Variants in SENP6 observed in about 807,000 individuals in gnomAD.
The protein encoded by SENP6 is sentrin-specific protease 6.
In SENP6, 41 loss-of-function variants were observed where a neutral mutation model predicts 134.5. That is an observed-to-expected ratio of 0.30 (90% CI 0.24 to 0.40). SENP6 has a LOEUF of 0.40. Among genes scored for constraint, SENP6 ranks in the 10% least tolerant of loss-of-function variants. The pLI, the probability that SENP6 is intolerant of heterozygous loss-of-function variation, is 1.00. For synonymous variants in SENP6, 395 were observed against 429.8 expected (o/e 0.92, Z 1.00); for missense variants, 1,248 against 1,312.5 (o/e 0.95, Z 0.76).
At chr6:75,609,841 G>A (rs1162865752) in intron 1 of SENP6, among the ~76,000 whole-genome samples, 3 of 152,108 alleles carry the variant, frequency 2.0e-5, no homozygotes, top group African/African-American at 4.8e-5. Context: ...GTGTAGTGGC[G>A]CCATCTCAGC....
chr6:75,631,599 T>C (rs1769117004), intron 3 of SENP6, among the ~76,000 whole-genome samples: 1 of 152,196 alleles, frequency 6.6e-6, no homozygotes, highest in Non-Finnish European at 1.5e-5. Context: ...GAGCATAATA[T>C]AAAACTCAAA....
rs867504652 is a variant in SENP6, at chr6:75,715,548, C to T, written c.3293C>T (p.Pro1098Leu). The T allele has an allele frequency of 2.5e-6, 4 of 1,613,134 alleles. No homozygotes were observed. The Middle Eastern group carries it at 6.6e-4, about 266-fold the overall frequency. The change falls in exon 24 of 24, where the codon CCT becomes CTT. Residue 1098 changes from proline (P) to leucine (L), a missense_variant. Transcript: ENST00000447266. ...KHKDTYSTEA[P>L]LGEGTEQYVN... is the part of the protein sequence containing the mutation. ...AAGGACACTTACTCAACAGAAGCAC[C>T]TTTAGGCGAAGGAACAGAACAATAT...
chr6:75,678,322 ATAG>A lies in SENP6; in HGVS notation c.1849-257_1849-255del, dbSNP rs1397039243. On this transcript the variant is annotated intron_variant, in intron 14 of 23. Transcript: ENST00000447266. ...ACCAGCATTATTTAATTTCATGTAG[ATAG>A]TAGAGAGAGAAGTAAGATACTGGAA... 7 of 321,626 alleles carry A rather than the reference ATAG, an allele frequency of 2.2e-5. No homozygotes were observed. In the Middle Eastern group the frequency reaches 3.6e-3, roughly 167 times the overall value. 19.9% of individuals were successfully genotyped at this position (321,626 alleles called of 1,614,324 possible).
intron 1 of SENP6, among the ~76,000 whole-genome samples, chr6:75,608,422 G>A (rs1223450542): frequency 1.3e-5 from 2 of 151,792 alleles, no homozygotes; most frequent in Non-Finnish European, 1.5e-5. Flanking sequence ...TCATGACACT[G>A]CACTTCAGCC....
intron 16 of SENP6, among the ~76,000 whole-genome samples, chr6:75,690,316 C>A (rs991010002): frequency 6.6e-6 from 1 of 152,090 alleles, no homozygotes; most frequent in Non-Finnish European, 1.5e-5. Flanking sequence ...AACGGATAAA[C>A]CAAATGTGGT....
In SENP6 at chr6:75,602,354, C is replaced by A; in HGVS notation, c.-171C>A. On this transcript the variant is annotated 5_prime_UTR_variant, in exon 1 of 24. Transcript: ENST00000447266. The stretch of plus-strand genomic sequence containing the variant: ...CGCGGACAGGCCCGGGCGCGCCTGG[C>A]CTGCCTTTGTATAGGCCCGTCTGAA... 1.5e-6 allele frequency: 1 copy of A among 665,312 alleles called. No individual in the cohort carries two copies. Among genetic ancestry groups the A allele is most frequent in the Non-Finnish European group, 2.4e-6 (1 of 420,286 alleles). 41.2% of individuals were successfully genotyped at this position (665,312 alleles called of 1,614,324 possible). A position where few individuals can be genotyped will look rare whatever the true frequency, so the allele number is the denominator to read the frequency against.
In SENP6 at chr6:75,631,021, AT is replaced by A. The variant is rs201264695; in HGVS notation, c.208-2548del. ...AGCTGCTATTTAATCCATACATTGG[AT>A]TTTTTTTTTTTACTTTTAAAAGATT... On this transcript the variant is annotated intron_variant, in intron 3 of 23. Transcript: ENST00000447266. Among the ~76,000 whole-genome samples, 1,195 of 145,938 alleles carry A rather than the reference AT, an allele frequency of 8.2e-3. 13 individuals carry two copies. Among genetic ancestry groups the A allele is most frequent in the African/African-American group, 0.025 (1,009 of 40,058 alleles).
chr6:75,697,710 T>G, intron 18 of SENP6, 193 bp downstream of exon 18: 1 of 510,234 alleles, frequency 2.0e-6, no homozygotes, highest in Non-Finnish European at 3.5e-6. Context: ...TATTGAATTT[T>G]AGAGACAATA....
chr6:75,689,424 A>C (rs28806828), intron 16 of SENP6, among the ~76,000 whole-genome samples: 4 of 152,084 alleles, frequency 2.6e-5, no homozygotes, highest in South Asian at 2.1e-4. Context: ...AACAAAAACA[A>C]AAAAAAACAG....
intron 16 of SENP6, among the ~76,000 whole-genome samples, chr6:75,690,137 C>T (rs1006776112): frequency 6.6e-6 from 1 of 152,176 alleles, no homozygotes; most frequent in Non-Finnish European, 1.5e-5. Flanking sequence ...TCTTGAGCTC[C>T]TGCCCTCAAG....
chr6:75,675,993 A>C lies in SENP6; in HGVS notation c.1560A>C (p.Gln520His), dbSNP rs1279095435. The C allele has an allele frequency of 3.7e-6, 6 of 1,611,984 alleles. No individual in the cohort carries two copies. Among genetic ancestry groups the C allele is most frequent in the Non-Finnish European group, 4.2e-6 (5 of 1,179,116 alleles). The part of the protein sequence containing the change: ...IPAVYQKLSI[Q>H]LQMNKEDKVW... Reference sequence around the variant, plus strand: ...CAGTTTATCAAAAGCTGAGCATCCAACTGCAAATGAATAAGGAGGATAAAG... The same window carrying C: ...CAGTTTATCAAAAGCTGAGCATCCACCTGCAAATGAATAAGGAGGATAAAG... Residue 520 changes from glutamine (Q) to histidine (H), a missense_variant, in exon 13 of 24, where the codon CAA (glutamine) becomes CAC (histidine). Gln to His is a conservative substitution (Grantham distance 24). Around this residue, in one of 3 missense-constraint regions of SENP6, gnomAD observed 733 missense variants for 725.4 expected, o/e 1.01. Transcript: ENST00000447266.
At chr6:75,685,333 C>G (rs1306323975) in intron 16 of SENP6, among the ~76,000 whole-genome samples, 6 of 152,032 alleles carry the variant, frequency 3.9e-5, no homozygotes, top group Admixed American at 1.3e-4. Context: ...AAAAAACCAG[C>G]TCCTGGATTC....
Position 75,717,614 on chromosome 6 carries a change from AGACTT to A in SENP6, c.*2023_*2027del, listed in dbSNP as rs1776077649. ...GGCTGCCAGGTTGAGCTTCAAAACT[AGACTT>A]GAGAATCTTTCGTGTATATGCACAT... is the stretch of plus-strand genomic sequence containing the variant. On this transcript the variant is annotated 3_prime_UTR_variant, in exon 24 of 24. Coordinates refer to ENST00000447266, the MANE Select transcript of SENP6 (RefSeq NM_015571.4). 6.6e-6 allele frequency: 1 copy of A among 152,156 alleles called. No homozygotes were observed. The highest frequency in any genetic ancestry group is 2.1e-4 in the South Asian group (1 of 4,834). The allele number at this position is 152,156 out of a possible 1,614,324, so 9.4% of individuals were successfully genotyped here.
intron 3 of SENP6, among the ~76,000 whole-genome samples, chr6:75,629,691 A>G (rs1214563433): frequency 6.6e-6 from 1 of 152,216 alleles, no homozygotes; most frequent in Non-Finnish European, 1.5e-5. Context: ...GGATATATAC[A>G]TATATCTACT....
At chr6:75,632,311 A>G (rs1163720680) in intron 3 of SENP6, among the ~76,000 whole-genome samples, 2 of 152,290 alleles carry the variant, frequency 1.3e-5, no homozygotes, top group Non-Finnish European at 1.5e-5. Flanking sequence ...CAGAAAGCAA[A>G]ACCATCGATA....
In SENP6 at chr6:75,659,185, G is replaced by A. The variant is rs1771582493; in HGVS notation, c.551-77G>A. 27 of 1,069,470 alleles carry A rather than the reference G, an allele frequency of 2.5e-5. No homozygotes were observed. In the South Asian group the frequency reaches 3.9e-4, roughly 15 times the overall value. 66.2% of individuals were successfully genotyped at this position (1,069,470 alleles called of 1,614,324 possible). On this transcript the variant is annotated intron_variant, in intron 7 of 23. Transcript: ENST00000447266. ...GATATAATTATTGGTTTAGTCTTAT[G>A]TTCTGATTATTTTTTTGCTGAAACA...
intron 21 of SENP6, among the ~76,000 whole-genome samples, chr6:75,712,094 A>G (rs1775783068): frequency 6.6e-6 from 1 of 152,066 alleles, no homozygotes; most frequent in African/African-American, 2.4e-5. Flanking sequence ...TACTCTTTGA[A>G]GGCTGTGGAG....
At chr6:75,705,925 C>CTTTTTTTTTTTTTTTTTTTTTT (rs71544062) in intron 19 of SENP6, among the ~76,000 whole-genome samples, 1 of 47,942 alleles carries the variant, frequency 2.1e-5, no homozygotes, top group Non-Finnish European at 3.5e-5. Context: ...ATTTTTGAGC[C>CTTTTTTTTTTTTTTTTTTTTTT]TTTTTTTTTT....
At chr6:75,622,802 T>G in intron 2 of SENP6, 1 of 1,289,208 alleles carries the variant, frequency 7.8e-7, no homozygotes, top group Non-Finnish European at 1.0e-6. Flanking sequence ...CCACTTTATG[T>G]GCCTTCACCG....
Sources: allele counts gnomAD v4.1 joint callset (sites outside exome capture counted in the v4.1 genomes callset), GRCh38; gene constraint gnomAD v4.1.1; regional missense constraint gnomAD v4.1.1; transcripts MANE v1.5; gene names NCBI Gene and HGNC (gene_info 2026-07-23, HGNC 2026-07-21).